TBXAS1: variants seen among roughly 807,000 people sequenced by gnomAD.
The protein encoded by TBXAS1 is thromboxane A synthase 1.
Under a neutral mutation model 60.7 loss-of-function variants are expected in TBXAS1, and 48 were observed. That is an observed-to-expected ratio of 0.79 (90% CI 0.63 to 1.01). The LOEUF is 1.01. TBXAS1 is among the 50% of genes least tolerant of loss of function. The pLI is 0.00. For synonymous variants in TBXAS1, 287 were observed against 269.7 expected, an observed-to-expected ratio of 1.06 and a Z score of -0.63; for missense variants, 685 against 686.3, an observed-to-expected ratio of 1.00 and a Z score of 0.02.
At chr7:139,812,149 G>T (rs990372844) in intron 4 of TBXAS1, among the ~76,000 whole-genome samples, 1 of 152,148 alleles carries the variant, frequency 6.6e-6, no homozygotes, top group Non-Finnish European at 1.5e-5. Context: ...AATGGTAAAA[G>T]ACCTCTCTTT....
intron 3 of TBXAS1, among the ~76,000 whole-genome samples, chr7:139,897,023 T>C (rs984206980): frequency 2.0e-5 from 3 of 152,264 alleles, no homozygotes; most frequent in Admixed American, 1.3e-4. Context: ...CTGAAGCCAG[T>C]TGGCATTAGA....
chr7:139,844,848 G>C (rs2116602476), intron 1 of TBXAS1, among the ~76,000 whole-genome samples: 1 of 152,300 alleles, frequency 6.6e-6, no homozygotes, highest in South Asian at 2.1e-4. Flanking sequence ...AAATCAGCCA[G>C]GCCTTTACAG....
chr7:139,820,426 C>T (rs1043805899), intron 4 of TBXAS1, among the ~76,000 whole-genome samples: 1 of 152,204 alleles, frequency 6.6e-6, no homozygotes. Context: ...CATTGCTCAT[C>T]TTCTGCTGAC....
intron 1 of TBXAS1, among the ~76,000 whole-genome samples, chr7:139,830,365 G>A (rs1454382425): frequency 1.3e-5 from 2 of 152,122 alleles, no homozygotes; most frequent in Non-Finnish European, 2.9e-5. Context: ...AACTGGGAAA[G>A]CACTTTGAAA....
chr7:139,865,200 C>T (rs1419313363), intron 1 of TBXAS1, among the ~76,000 whole-genome samples: 2 of 151,994 alleles, frequency 1.3e-5, no homozygotes, highest in Admixed American at 6.6e-5. Context: ...AAAGGGAAAC[C>T]GAGAAGATCT....
upstream of TBXAS1, among the ~76,000 whole-genome samples, chr7:139,828,199 T>C (rs1333905138): frequency 1.3e-5 from 2 of 152,198 alleles, no homozygotes; most frequent in Non-Finnish European, 2.9e-5. Context: ...TTCTTTGTCT[T>C]TGTTGAATTG....
intron 1 of TBXAS1, among the ~76,000 whole-genome samples, chr7:139,843,104 A>G (rs183146175): frequency 6.6e-5 from 10 of 152,236 alleles, no homozygotes; most frequent in African/African-American, 2.4e-4. Context: ...TCCTTCCTGC[A>G]CTGACATGCC....
chr7:139,966,341 G>A (rs1488858915), intron 9 of TBXAS1, among the ~76,000 whole-genome samples: 1 of 152,148 alleles, frequency 6.6e-6, no homozygotes, highest in African/African-American at 2.4e-5. Flanking sequence ...ACTCTTCTGT[G>A]GACAGTGATA....
chr7:139,810,147 CA>C (rs1209329791), intron 4 of TBXAS1, among the ~76,000 whole-genome samples: 1 of 152,010 alleles, frequency 6.6e-6, no homozygotes, highest in Non-Finnish European at 1.5e-5. Flanking sequence ...ATCAATTCTC[CA>C]ACCTCAGCCT....
At chr7:139,835,923 A>G (rs1438800278) in intron 1 of TBXAS1, among the ~76,000 whole-genome samples, 1 of 152,108 alleles carries the variant, frequency 6.6e-6, no homozygotes, top group Non-Finnish European at 1.5e-5. Context: ...AAAAGAATTC[A>G]GTAGTTTCCA....
chr7:139,944,679 T>A (rs949463505), intron 5 of TBXAS1, among the ~76,000 whole-genome samples: 2 of 152,140 alleles, frequency 1.3e-5, no homozygotes, highest in Admixed American at 6.5e-5. Context: ...TGTTATGACA[T>A]CAAGGCAGCG....
intron 5 of TBXAS1, among the ~76,000 whole-genome samples, chr7:139,951,540 G>A (rs1398549875): frequency 4.5e-5 from 6 of 133,744 alleles, no homozygotes; most frequent in East Asian, 4.5e-4. Flanking sequence ...GGTGGATCAC[G>A]AGGTCAGGAG....
intron 9 of TBXAS1, among the ~76,000 whole-genome samples, chr7:139,965,682 A>G (rs1584968013): frequency 6.6e-6 from 1 of 152,164 alleles, no homozygotes; most frequent in African/African-American, 2.4e-5. Context: ...CATGCAAGCC[A>G]CAAGGTGATT....
chr7:139,845,926 G>A (rs1412713237), intron 1 of TBXAS1, among the ~76,000 whole-genome samples: 1 of 151,468 alleles, frequency 6.6e-6, no homozygotes, highest in African/African-American at 2.4e-5. Context: ...CCAGGCTCGG[G>A]GAATTCTCCC....
At chr7:139,829,554 G>A (rs371911507) in intron 1 of TBXAS1, 75 bp downstream of exon 1, 18 of 1,383,036 alleles carry the variant, frequency 1.3e-5, no homozygotes, top group Middle Eastern at 2.0e-4. Flanking sequence ...GCCATGGCGG[G>A]GTATGTGGGA....
At chr7:139,894,615 C>A (rs1413588634) in intron 3 of TBXAS1, among the ~76,000 whole-genome samples, 6 of 152,196 alleles carry the variant, frequency 3.9e-5, no homozygotes, top group Non-Finnish European at 7.3e-5. Flanking sequence ...AATTCACCAT[C>A]CTGTAACTCG....
chr7:139,953,221 T>C, intron 5 of TBXAS1, 147 bp from the exon 6 acceptor site: 1 of 705,406 alleles, frequency 1.4e-6, no homozygotes, highest in Admixed American at 2.3e-5. Flanking sequence ...TTTAGGATCT[T>C]CTTCTTGAAT....
chr7:139,932,409 C>T (rs928418688), intron 4 of TBXAS1, among the ~76,000 whole-genome samples: 1 of 151,986 alleles, frequency 6.6e-6, no homozygotes, highest in Non-Finnish European at 1.5e-5. Context: ...GTGTGGAGCT[C>T]ATCGCTCAAG....
intron 3 of TBXAS1, among the ~76,000 whole-genome samples, chr7:139,897,060 C>T (rs2267691): frequency 0.097 from 14,782 of 152,102 alleles, 772 homozygotes; most frequent in Non-Finnish European, 0.12. Flanking sequence ...CAGCACACTG[C>T]GTTGACATCA....
Sources: gnomAD v4.1 joint callset for allele counts (sites outside exome capture counted in the v4.1 genomes callset) on GRCh38, gnomAD v4.1.1 for gene constraint, MANE v1.5 for transcripts, NCBI Gene and HGNC (gene_info 2026-07-23, HGNC 2026-07-21) for gene names.